MAN1C1: variants seen among roughly 807,000 people sequenced by gnomAD.
MAN1C1 encodes mannosidase alpha class 1C member 1, also known as mannosyl-oligosaccharide 1,2-alpha-mannosidase IC.
A neutral mutation model predicts 71.5 loss-of-function variants in MAN1C1; 49 were observed. The observed-to-expected ratio is 0.69, with a 90% CI of 0.54 to 0.87. The LOEUF (loss-of-function observed/expected upper bound fraction) is 0.87, where lower values mean the gene tolerates loss of function less well. Among genes scored for constraint, MAN1C1 ranks in the 40% least tolerant of loss-of-function variants. MAN1C1 has a pLI of 0.00. For missense variants in MAN1C1, 743 were observed against 835.0 expected, an observed-to-expected ratio of 0.89 and a Z score of 1.36; for synonymous variants, 352 against 343.7, an observed-to-expected ratio of 1.02 and a Z score of -0.27.
chr1:25,666,768 A>G (rs1227500334), intron 1 of MAN1C1, among the ~76,000 whole-genome samples: 2 of 152,186 alleles, frequency 1.3e-5, no homozygotes, highest in African/African-American at 2.4e-5. Context: ...CCTTTCTTTT[A>G]TGGGGATATT....
In MAN1C1 at chr1:25,617,425, C is replaced by T. The variant is rs1484449724; in HGVS notation, c.-373C>T. On this transcript the variant is annotated 5_prime_UTR_variant, in exon 1 of 12. In the 5' UTR this introduces an upstream ATG that the reference lacks. Transcript: ENST00000374332. The surrounding 1 kb of genome is among the most constrained non-coding windows in gnomAD (Gnocchi z 5.1). ...CGCCCCTCGGCGCGGACAGCCGGGA[C>T]GCCGCGGACGGCATGTGACGGTCCC... 6.7e-6 allele frequency: 1 copy of T among 149,868 alleles called. No homozygotes were observed. Among genetic ancestry groups the T allele is most frequent in the Non-Finnish European group, 1.5e-5 (1 of 67,348 alleles). 9.3% of individuals were successfully genotyped at this position (149,868 alleles called of 1,614,324 possible).
At chr1:25,703,613 G>A (rs1490571412) in intron 2 of MAN1C1, among the ~76,000 whole-genome samples, 2 of 152,240 alleles carry the variant, frequency 1.3e-5, no homozygotes, top group East Asian at 3.9e-4. Context: ...CTTAGGAAGT[G>A]GAGGTTGCAG....
chr1:25,655,392 C>T (rs899119775), intron 1 of MAN1C1, among the ~76,000 whole-genome samples: 1 of 152,152 alleles, frequency 6.6e-6, no homozygotes, highest in Non-Finnish European at 1.5e-5. Flanking sequence ...GAAATGAGCC[C>T]CTCTTGCCTC....
intron 1 of MAN1C1, among the ~76,000 whole-genome samples, chr1:25,642,626 T>C (rs544912076): frequency 6.6e-6 from 1 of 152,356 alleles, no homozygotes; most frequent in East Asian, 1.9e-4. Context: ...CGTTCTTCAA[T>C]CTGCCCCAAC....
chr1:25,636,148 G>A (rs775644349), intron 1 of MAN1C1, among the ~76,000 whole-genome samples: 2 of 152,162 alleles, frequency 1.3e-5, no homozygotes, highest in Admixed American at 1.3e-4. Flanking sequence ...AACAGGACAA[G>A]GGCAAAATCA....
At chr1:25,636,459 C>T (rs182378416) in intron 1 of MAN1C1, among the ~76,000 whole-genome samples, 10 of 152,264 alleles carry the variant, frequency 6.6e-5, no homozygotes, top group East Asian at 1.9e-4. Flanking sequence ...AAGAATTTAG[C>T]GATATCTTCC....
chr1:25,699,201 G>A (rs2046404795), intron 2 of MAN1C1, among the ~76,000 whole-genome samples: 2 of 151,746 alleles, frequency 1.3e-5, no homozygotes, highest in Admixed American at 6.6e-5. Context: ...TCAGGAGGCT[G>A]AGGCAGGAGA....
rs1226304977 is a variant in MAN1C1 at position 25,776,788 on chromosome 1, G to A, written c.1258-1317G>A. 6.6e-6 allele frequency among the ~76,000 whole-genome samples: 1 copy of A among 151,984 alleles called. No individual in the cohort carries two copies. Among genetic ancestry groups the A allele is most frequent in the Non-Finnish European group, 1.5e-5 (1 of 67,968 alleles). ...GGTGAGGTAGGGTGTGAGGAGGGAGGGGCAGGAGACAGACTAGAGTGGAAT... is the reference window on the plus strand; with the variant it reads ...GGTGAGGTAGGGTGTGAGGAGGGAGAGGCAGGAGACAGACTAGAGTGGAAT... On this transcript the variant is annotated intron_variant, in intron 8 of 11. Transcript: ENST00000374332. The surrounding 1 kb of genome is among the most constrained non-coding windows in gnomAD (Gnocchi z 4.3).
intron 1 of MAN1C1, among the ~76,000 whole-genome samples, chr1:25,682,765 C>T (rs1296861082): frequency 2.0e-5 from 3 of 152,250 alleles, no homozygotes; most frequent in South Asian, 2.1e-4. Context: ...TGGCTGGGCA[C>T]GGTGGCTCAC....
chr1:25,646,565 C>G (rs752639776), intron 1 of MAN1C1: 1 of 152,350 alleles, frequency 6.6e-6, no homozygotes, highest in East Asian at 1.9e-4. Context: ...TCTGTCTCCC[C>G]AAATGGAAAA....
chr1:25,669,486 A>G (rs905005680), intron 1 of MAN1C1, among the ~76,000 whole-genome samples: 1 of 152,210 alleles, frequency 6.6e-6, no homozygotes, highest in African/African-American at 2.4e-5. Context: ...TACTGGCACC[A>G]TCGGGCACAC....
rs2047130868 is a variant in MAN1C1, at chr1:25,746,533, C to T, written c.638-135C>T. 1.2e-5 allele frequency: 9 copies of T among 729,896 alleles called. No individual in the cohort carries two copies. The highest frequency in any genetic ancestry group is 5.4e-5 in the East Asian group (2 of 36,928). The allele number at this position is 729,896 out of a possible 1,614,324, so 45.2% of individuals were successfully genotyped here. On this transcript the variant is annotated intron_variant, in intron 2 of 11. Transcript: ENST00000374332. The surrounding 1 kb of genome is among the most constrained non-coding windows in gnomAD (Gnocchi z 4.0). ...CTTCGATGGTGGCACTGGAGTCCCC[C>T]GGATGGTGCCTGAGGCCAGCCTTTG...
chr1:25,738,999 C>CA (rs955037429), intron 2 of MAN1C1, among the ~76,000 whole-genome samples: 3 of 151,936 alleles, frequency 2.0e-5, no homozygotes, highest in African/African-American at 7.3e-5. Context: ...CCCATCTCTA[C>CA]AAAAAAATTT....
chr1:25,677,956 T>C (rs2046093347), intron 1 of MAN1C1, among the ~76,000 whole-genome samples: 1 of 150,990 alleles, frequency 6.6e-6, no homozygotes, highest in Non-Finnish European at 1.5e-5. Context: ...CACCATACGA[T>C]GTCTTCTTTT....
intron 1 of MAN1C1, among the ~76,000 whole-genome samples, chr1:25,633,311 T>C (rs2045411062): frequency 6.6e-6 from 1 of 152,200 alleles, no homozygotes; most frequent in Admixed American, 6.5e-5. Context: ...GTTAAGTCCA[T>C]TTTTTCTAGA....
At chr1:25,714,305 C>G (rs932454763) in intron 2 of MAN1C1, among the ~76,000 whole-genome samples, 2 of 152,150 alleles carry the variant, frequency 1.3e-5, no homozygotes, top group Admixed American at 6.5e-5. Flanking sequence ...AACTAATACA[C>G]ACTTTTATCC....
intron 2 of MAN1C1, among the ~76,000 whole-genome samples, chr1:25,723,908 A>T (rs755139752): frequency 1.6e-4 from 24 of 152,184 alleles, no homozygotes; most frequent in Admixed American, 4.6e-4. Context: ...GCTGCGGGAT[A>T]CTGTATCAGT....
At chr1:25,633,549 TC>T (rs66863964) in intron 1 of MAN1C1, among the ~76,000 whole-genome samples, 49,521 of 147,990 alleles carry the variant, frequency 0.33, 10,011 homozygotes, top group African/African-American at 0.57. Context: ...TTTTTTTTTT[TC>T]ACTGTTGTTG....
At chr1:25,762,117 CTTTTCT>C (rs1324977508) in intron 6 of MAN1C1, among the ~76,000 whole-genome samples, 3 of 124,786 alleles carry the variant, frequency 2.4e-5, no homozygotes, top group Non-Finnish European at 4.8e-5. Context: ...TCTTTCTTTT[CTTTTCT>C]TTTCTTTTTT....
Sources: gnomAD v4.1 joint callset for allele counts (sites outside exome capture counted in the v4.1 genomes callset) on GRCh38, gnomAD v4.1.1 for gene constraint, Gnocchi (gnomAD v3.1) non-coding constraint, MANE v1.5 for transcripts, NCBI Gene and HGNC (gene_info 2026-07-23, HGNC 2026-07-21) for gene names.